TNRC6B: variants seen among roughly 807,000 people sequenced by gnomAD.
TNRC6B encodes trinucleotide repeat containing adaptor 6B.
In TNRC6B, 52 loss-of-function variants were observed where a neutral mutation model predicts 203.6. The observed-to-expected ratio is 0.26, with a 90% CI of 0.20 to 0.32. The LOEUF is 0.32. Ranked by LOEUF, TNRC6B falls within the 10% of genes least tolerant of loss-of-function variation. The pLI, the probability that TNRC6B is intolerant of heterozygous loss-of-function variation, is 1.00. For synonymous variants in TNRC6B, 838 were observed against 845.7 expected (o/e 0.99, Z 0.16); for missense variants, 1,923 against 2,286.2 (o/e 0.84, Z 3.24).
At chr22:40,123,612 G>A (rs762013890) in intron 2 of TNRC6B, among the ~76,000 whole-genome samples, 5 of 152,202 alleles carry the variant, frequency 3.3e-5, no homozygotes, top group Admixed American at 6.5e-5. Context: ...AGAATGGAGC[G>A]TGGGTCTGGA....
chr22:40,076,995 AAGAAAAGAAAAG>A (rs918392804), intron 1 of TNRC6B, among the ~76,000 whole-genome samples: 38 of 152,072 alleles, frequency 2.5e-4, no homozygotes, highest in East Asian at 1.4e-3. Context: ...CCCTATCTCT[AAGAAAAGAAAAG>A]AGAAAAGAAA....
chr22:40,133,778 G>A (rs1411624339), intron 3 of TNRC6B, among the ~76,000 whole-genome samples: 1 of 151,904 alleles, frequency 6.6e-6, no homozygotes, highest in Non-Finnish European at 1.5e-5. Context: ...AGACCAGCCT[G>A]ACCGACATGG....
chr22:40,087,385 T>G (rs1363013578), intron 1 of TNRC6B, among the ~76,000 whole-genome samples: 1 of 152,204 alleles, frequency 6.6e-6, no homozygotes, highest in East Asian at 1.9e-4. Context: ...ATTAATTCAG[T>G]TATTCATTTG....
intron 1 of TNRC6B, among the ~76,000 whole-genome samples, chr22:40,204,796 C>G (rs2069459178): frequency 6.6e-6 from 1 of 152,188 alleles, no homozygotes; most frequent in African/African-American, 2.4e-5. Context: ...GCTGCTTTTT[C>G]TATTTTTAAT....
chr22:40,280,173 A>G lies in TNRC6B; in HGVS notation c.3411+30A>G. The G allele has an allele frequency of 4.4e-6, 7 of 1,599,048 alleles. No individual in the cohort carries two copies. The South Asian group carries it at 6.7e-5, about 15-fold the overall frequency. ...GTTGAATCCTTTGTTTAAGATAATA[A>G]TTCATGAGAACCGCTTTGGTTCCCA... is the stretch of plus-strand genomic sequence containing the variant. On this transcript the variant is annotated intron_variant, in intron 10 of 22. Transcript: ENST00000454349.
chr22:40,147,697 T>G lies in TNRC6B; in HGVS notation c.46-8418T>G, dbSNP rs375376688. On this transcript the variant is annotated intron_variant, in intron 3 of 23. Transcript: ENST00000301923. ...TCCAGAAGGCCCCACCTCCCAACAC[T>G]ATTGCACTGGGGATTAGGTTTTCAA... Among the ~76,000 whole-genome samples the G allele has an allele frequency of 1.9e-3, 288 of 152,296 alleles. 11 individuals carry two copies. The South Asian group carries it at 0.059, about 31-fold the overall frequency.
rs2069083376 is a variant in TNRC6B, at chr22:40,177,964, G to A, written c.-172G>A. The A allele has an allele frequency of 6.9e-7, 1 of 1,453,534 alleles. No homozygotes were observed. Among genetic ancestry groups the A allele is most frequent in the Non-Finnish European group, 9.0e-7 (1 of 1,110,050 alleles). 90.0% of individuals were successfully genotyped at this position (1,453,534 alleles called of 1,614,324 possible). A position where few individuals can be genotyped will look rare whatever the true frequency, so the allele number is the denominator to read the frequency against. On this transcript the variant is annotated 5_prime_UTR_variant, in exon 1 of 23. The change creates a new upstream start codon in the 5' untranslated region. Transcript: ENST00000454349. ...AGAGAGAGAGCAAGAGGGAGAGTGT[G>A]TGAGAGAGAGTTAGTTCAAGCCAAA...
intron 1 of TNRC6B, among the ~76,000 whole-genome samples, chr22:40,194,033 G>C (rs549713738): frequency 7.9e-5 from 12 of 152,342 alleles, no homozygotes; most frequent in South Asian, 2.1e-4. Context: ...CTGAGGTTGC[G>C]TGAGGATAGG....
intron 1 of TNRC6B, among the ~76,000 whole-genome samples, chr22:40,069,520 T>C (rs2067928656): frequency 6.6e-6 from 1 of 151,024 alleles, no homozygotes; most frequent in South Asian, 2.1e-4. Context: ...GGAGTTTCGC[T>C]CTCATTGCCC....
intron 3 of TNRC6B, among the ~76,000 whole-genome samples, chr22:40,131,708 T>C (rs1476692375): frequency 6.6e-6 from 1 of 152,234 alleles, no homozygotes; most frequent in African/African-American, 2.4e-5. Context: ...ATGTTAAATT[T>C]CACATCAGTT....
At position 40,246,150 on chromosome 22, in the gene TNRC6B, C is replaced by T; in HGVS notation, c.93+48C>T. The T allele has an allele frequency of 2.9e-6, 4 of 1,390,636 alleles. No homozygotes were observed. In the South Asian group the frequency reaches 5.3e-5, roughly 18 times the overall value. The allele number at this position is 1,390,636 out of a possible 1,614,324, so 86.1% of individuals were successfully genotyped here. A position where few individuals can be genotyped will look rare whatever the true frequency, so the allele number is the denominator to read the frequency against. ...GTCTTTTTATCTGCTAGGCATCCAG[C>T]ATCCAGAACAAGAAACTGTCTTGGC... is the stretch of plus-strand genomic sequence containing the variant. On this transcript the variant is annotated intron_variant, in intron 2 of 22. Coordinates refer to ENST00000454349, the MANE Select transcript of TNRC6B (RefSeq NM_001162501.2).
rs534606524 is a variant in TNRC6B, at chr22:40,166,410, A to C, written c.113+10228A>C. 5.4e-5 allele frequency among the ~76,000 whole-genome samples: 8 copies of C among 147,826 alleles called. No individual in the cohort carries two copies. The South Asian group carries it at 1.1e-3, about 20-fold the overall frequency. On this transcript the variant is annotated intron_variant, in intron 4 of 23. Transcript: ENST00000301923. ...ATGGCTGTGAAATGTTTTCCCCTAC[A>C]TTTTTTGGCCATGCTATACTCTTTT...
At chr22:40,045,095 G>T in intron 1 of TNRC6B, 1 of 144,970 alleles carries the variant, frequency 6.9e-6, no homozygotes, top group South Asian at 2.1e-4. Flanking sequence ...GCCCCCGGGG[G>T]CGCGCGGCGC....
At chr22:40,106,850 G>A (rs553483459) in intron 1 of TNRC6B, 194 of 1,135,628 alleles carry the variant, frequency 1.7e-4, no homozygotes, top group Middle Eastern at 2.7e-4. Context: ...TGCCACCCTC[G>A]CCATTCGAAT....
chr22:40,101,733 T>C (rs1293113085), intron 1 of TNRC6B, among the ~76,000 whole-genome samples: 1 of 152,228 alleles, frequency 6.6e-6, no homozygotes, highest in Non-Finnish European at 1.5e-5. Flanking sequence ...TTTCTAAACA[T>C]GGACACCAGA....
At chr22:40,150,058 T>A (rs183571083) in intron 3 of TNRC6B, among the ~76,000 whole-genome samples, 22 of 152,234 alleles carry the variant, frequency 1.4e-4, no homozygotes, top group African/African-American at 5.1e-4. Context: ...TAAGAATAAG[T>A]CTTGACATGG....
intron 21 of TNRC6B, 125 bp downstream of exon 21, chr22:40,316,137 G>A (rs1279801341): frequency 4.2e-5 from 30 of 722,150 alleles, no homozygotes; most frequent in South Asian, 6.8e-5. Context: ...GGTGCATCAC[G>A]AGGTCAGGAG....
intron 1 of TNRC6B, among the ~76,000 whole-genome samples, chr22:40,086,709 A>AT (rs2068102509): frequency 6.6e-6 from 1 of 152,196 alleles, no homozygotes; most frequent in Non-Finnish European, 1.5e-5. Flanking sequence ...GAGAAATTCA[A>AT]TTTTTTCTTC....
chr22:40,252,194 A>G (rs17001761), intron 3 of TNRC6B, among the ~76,000 whole-genome samples: 16,069 of 152,232 alleles, frequency 0.11, 978 homozygotes, highest in South Asian at 0.15. Context: ...GTGTTTCTCA[A>G]TTAGGTATGC....
Sources: allele counts gnomAD v4.1 joint callset (sites outside exome capture counted in the v4.1 genomes callset), GRCh38; gene constraint gnomAD v4.1.1; transcripts MANE v1.5; gene names NCBI Gene and HGNC (gene_info 2026-07-23, HGNC 2026-07-21).